KIF19: variants seen among roughly 807,000 people sequenced by gnomAD.
KIF19 encodes the protein kinesin-like protein KIF19.
Under a neutral mutation model 106.6 loss-of-function variants are expected in KIF19, and 98 were observed. The ratio of observed to expected loss-of-function variants is 0.92; its 90% CI spans 0.78 to 1.09. The LOEUF is 1.09. KIF19 is among the 50% of genes least tolerant of loss of function. The pLI is 0.00. For synonymous variants in KIF19, 516 were observed against 584.2 expected, an observed-to-expected ratio of 0.88 and a Z score of 1.68; for missense variants, 1,373 against 1,414.3, an observed-to-expected ratio of 0.97 and a Z score of 0.47.
chr17:74,326,814 G>T lies in KIF19; in HGVS notation c.39+426G>T, dbSNP rs2053924830. On this transcript the variant is annotated intron_variant, in intron 1 of 19. Coordinates refer to ENST00000389916, the MANE Select transcript of KIF19 (RefSeq NM_153209.4). ...GTCAGGAGTTTAAAGGGATGTGGGGGTCACCAGTAGGAAGACAAGGGCCCC... is the reference window on the plus strand; with the variant it reads ...GTCAGGAGTTTAAAGGGATGTGGGGTTCACCAGTAGGAAGACAAGGGCCCC... Among the ~76,000 whole-genome samples, 2 of 152,164 alleles carry T rather than the reference G, an allele frequency of 1.3e-5. 1 individual carries two copies. Among genetic ancestry groups the T allele is most frequent in the South Asian group, 4.1e-4 (2 of 4,830 alleles).
Position 74,331,297 on chromosome 17 carries a change from G to A in KIF19, c.120+2792G>A, listed in dbSNP as rs2054072410. Among the ~76,000 whole-genome samples the A allele has an allele frequency of 6.6e-6, 1 of 152,160 alleles. No homozygotes were observed. On this transcript the variant is annotated intron_variant, in intron 2 of 19. Coordinates refer to ENST00000389916, the MANE Select transcript of KIF19 (RefSeq NM_153209.4). This position sits in a 1 kb window ranked among gnomAD's most constrained non-coding sequence, Gnocchi z 4.1. ...CTGTCCTTCCTCCTAAGGCCTGGAGGCACCATGGACAGGTGGGTGTATTTG... is the reference window on the plus strand; with the variant it reads ...CTGTCCTTCCTCCTAAGGCCTGGAGACACCATGGACAGGTGGGTGTATTTG...
intron 1 of KIF19, among the ~76,000 whole-genome samples, chr17:74,327,923 G>C (rs757590777): frequency 1.3e-5 from 2 of 152,248 alleles, no homozygotes; most frequent in Non-Finnish European, 2.9e-5. Flanking sequence ...ACTGGCTGGA[G>C]GACAGGCAGA....
rs1258673497 is a variant in KIF19 at position 74,352,844 on chromosome 17, C to T, written c.2004C>T (p.Thr668=). ...AGGACAGCTCCTTGCCCAAAATTAC[C>T]CCAGCAGGAACCTCACTGACCCCAG... is the stretch of plus-strand genomic sequence containing the variant. The part of the protein sequence containing the change: ...ALQDSSLPKI[T]PAGTSLTPDS... The change falls in exon 15 of 20, where the codon ACC becomes ACT. Residue 668 remains threonine, a synonymous_variant. Transcript: ENST00000389916. The T allele has an allele frequency of 1.9e-6, 3 of 1,613,964 alleles. No homozygotes were observed. Among genetic ancestry groups the T allele is most frequent in the Non-Finnish European group, 2.5e-6 (3 of 1,179,870 alleles).
At position 74,332,426 on chromosome 17, in the gene KIF19, A is replaced by G. The variant is rs561963193; in HGVS notation, c.120+3921A>G. ...GGGGCCTCAGCGTTCCAGGTGGGGG[A>G]AAAAGCTACAGATCAAACAGCCGTC... On this transcript the variant is annotated intron_variant, in intron 2 of 19. Transcript: ENST00000389916. Among the ~76,000 whole-genome samples, 906 of 151,920 alleles carry G rather than the reference A, an allele frequency of 6.0e-3. 9 individuals are homozygous for G. The highest frequency in any genetic ancestry group is 9.7e-3 in the Non-Finnish European group (657 of 67,920).
chr17:74,330,243 C>T (rs750804184), intron 2 of KIF19, among the ~76,000 whole-genome samples: 2 of 152,190 alleles, frequency 1.3e-5, no homozygotes, highest in Admixed American at 6.5e-5. Context: ...CTGCCATTTG[C>T]CAGCTGTGCA....
rs2054609254 is a variant in KIF19, at chr17:74,348,939, G to T, written c.1048-245G>T. 9.2e-6 allele frequency: 5 copies of T among 542,030 alleles called. No homozygotes were observed. The Admixed American group carries it at 1.7e-4, about 19-fold the overall frequency. 33.6% of individuals were successfully genotyped at this position (542,030 alleles called of 1,614,324 possible). Reference sequence around the variant, plus strand: ...TGAGCCCAGAGAAAATCAGAGAGATGGGGGTGGCCCTTCAACAACGGGTGG... The same window carrying T: ...TGAGCCCAGAGAAAATCAGAGAGATTGGGGTGGCCCTTCAACAACGGGTGG... On this transcript the variant is annotated intron_variant, in intron 9 of 19. Transcript: ENST00000389916.
At chr17:74,339,260 A>G (rs960820896) in intron 2 of KIF19, among the ~76,000 whole-genome samples, 1 of 151,816 alleles carries the variant, frequency 6.6e-6, no homozygotes, top group African/African-American at 2.4e-5. Flanking sequence ...GGGTAGCCGG[A>G]GCACCAGCTG....
intron 4 of KIF19, 48 bp from the exon 5 acceptor site, chr17:74,342,976 C>CT: frequency 6.5e-7 from 1 of 1,539,246 alleles, no homozygotes; most frequent in Non-Finnish European, 8.7e-7. Context: ...CCAGCAAGGC[C>CT]TCCCTCCCAG....
chr17:74,333,144 G>A (rs892343224), intron 2 of KIF19, among the ~76,000 whole-genome samples: 13 of 152,152 alleles, frequency 8.5e-5, no homozygotes, highest in South Asian at 2.1e-4. Context: ...CCTGCACACC[G>A]ACCATCTGGA....
chr17:74,344,427 C>A (rs1239203074), intron 6 of KIF19, 79 bp downstream of exon 6: 1 of 1,546,890 alleles, frequency 6.5e-7, no homozygotes, highest in African/African-American at 1.4e-5. Context: ...GGACAGAAGC[C>A]AGGGAGCTGC....
intron 2 of KIF19, among the ~76,000 whole-genome samples, chr17:74,341,521 T>TG (rs957152560): frequency 1.3e-5 from 2 of 152,108 alleles, no homozygotes; most frequent in African/African-American, 2.4e-5. Context: ...TCTGCTCCCC[T>TG]GGGGCTGTAC....
intron 7 of KIF19, 81 bp downstream of exon 7, chr17:74,345,036 C>T: frequency 2.3e-6 from 3 of 1,317,882 alleles, no homozygotes; most frequent in Non-Finnish European, 3.1e-6. Flanking sequence ...GACTCCCATG[C>T]AAGGCCAGCA....
chr17:74,342,529 A>C, intron 3 of KIF19, 101 bp from the exon 4 acceptor site: 3 of 803,730 alleles, frequency 3.7e-6, no homozygotes, highest in Non-Finnish European at 4.1e-6. Context: ...CTGGGGCTCC[A>C]GGGACAGAAA....
At position 74,347,259 on chromosome 17, in the gene KIF19, G is replaced by A. The variant is rs532215827; in HGVS notation, c.925-518G>A. Among the ~76,000 whole-genome samples, 84 of 152,262 alleles carry A rather than the reference G, an allele frequency of 5.5e-4. 1 individual carries two copies. The highest frequency in any genetic ancestry group is 1.9e-3 in the African/African-American group (78 of 41,542). On this transcript the variant is annotated intron_variant, in intron 8 of 19. Transcript: ENST00000389916. ...GCCCCCTTAAAAAGCAAGGAAAGCC[G>A]GGTGTGGTGGCTCACGCCTGGAATC... is the stretch of plus-strand genomic sequence containing the variant.
chr17:74,331,214 G>C lies in KIF19; in HGVS notation c.120+2709G>C, dbSNP rs1025242022. Among the ~76,000 whole-genome samples, 1 of 152,116 alleles carries C rather than the reference G, an allele frequency of 6.6e-6. No individual in the cohort carries two copies. The highest frequency in any genetic ancestry group is 2.4e-5 in the African/African-American group (1 of 41,418). On this transcript the variant is annotated intron_variant, in intron 2 of 19. Transcript: ENST00000389916. This position sits in a 1 kb window ranked among gnomAD's most constrained non-coding sequence, Gnocchi z 4.1. ...GCTCACAGCCCTGGCCCAGAGGGAG[G>C]CTTGGGGGTCCAGTCCTCGTCAGCT...
intron 6 of KIF19, among the ~76,000 whole-genome samples, 170 bp downstream of exon 6, chr17:74,344,518 C>A (rs1215275507): frequency 6.6e-6 from 1 of 152,228 alleles, no homozygotes; most frequent in African/African-American, 2.4e-5. Context: ...CCCAATGCCC[C>A]CACCACGCTG....
intron 17 of KIF19, 87 bp from the exon 18 acceptor site, chr17:74,354,075 G>A (rs1467301321): frequency 2.1e-6 from 3 of 1,434,690 alleles, no homozygotes; most frequent in Non-Finnish European, 2.8e-6. Flanking sequence ...CAGGAGGTCT[G>A]GCTCCTACCC....
intron 2 of KIF19, among the ~76,000 whole-genome samples, chr17:74,340,879 G>A (rs1445217797): frequency 6.6e-6 from 1 of 152,230 alleles, no homozygotes; most frequent in African/African-American, 2.4e-5. Context: ...GAGGTGGATA[G>A]GAGTCAGTGG....
rs147238299 is a variant in KIF19, at chr17:74,350,573, C to T, written c.1386C>T (p.Ala462=). The change falls in exon 11 of 20, where the codon GCC becomes GCT. Residue 462 remains alanine (A), a splice_region_variant and synonymous_variant. Transcript: ENST00000389916. ...IDTSRHLLTI[A]GWKHEKSRRA... is the part of the protein sequence containing the mutation. ...CCTCCCGACACCTGCTCACCATCGC[C>T]GGGTAAGCCCCCCTCCCAGGACCCT... The T allele has an allele frequency of 2.0e-5, 33 of 1,612,752 alleles. No homozygotes were observed. Among genetic ancestry groups the T allele is most frequent in the East Asian group, 4.5e-5 (2 of 44,870 alleles).
Sources: allele counts gnomAD v4.1 joint callset (sites outside exome capture counted in the v4.1 genomes callset), GRCh38; gene constraint gnomAD v4.1.1; non-coding constraint Gnocchi (gnomAD v3.1); transcripts MANE v1.5; gene names NCBI Gene and HGNC (gene_info 2026-07-23, HGNC 2026-07-21).